FAAH2: variants seen among roughly 807,000 people sequenced by gnomAD.
FAAH2 encodes the protein fatty-acid amide hydrolase 2.
A neutral mutation model predicts 36.9 loss-of-function variants in FAAH2; 60 were observed. That is an observed-to-expected ratio of 1.63 (90% CI 1.32 to 2.02). FAAH2 has a LOEUF of 2.02. Among genes scored for constraint, FAAH2 ranks in the 30% most tolerant of loss-of-function variants. The pLI, the probability that FAAH2 is intolerant of heterozygous loss-of-function variation, is 0.00. For missense variants in FAAH2, 689 were observed against 397.5 expected (o/e 1.73, Z -6.23); for synonymous variants, 214 against 143.8 (o/e 1.49, Z -3.49).
At chrX:57,163,747 C>T in the FAAH2 span, among the ~76,000 whole-genome samples, 1 of 112,192 alleles carries the variant, frequency 8.9e-6, no homozygotes, top group Admixed American at 9.4e-5. Flanking sequence ...ACCCACTGAC[C>T]TGCGCCCACT....
At chrX:57,169,848 ATC>A in the FAAH2 span, among the ~76,000 whole-genome samples, 1 of 104,683 alleles carries the variant, frequency 9.6e-6, no homozygotes, top group African/African-American at 3.5e-5. Context: ...TAACATTAGC[ATC>A]TCTCTCTCTC....
chrX:57,316,817 C>A (rs1199708585), intron 3 of FAAH2, among the ~76,000 whole-genome samples: 1 of 110,723 alleles, frequency 9.0e-6, no homozygotes, highest in Admixed American at 9.6e-5. Flanking sequence ...GACCCTGTCT[C>A]CCCCCACCGC....
chrX:57,224,232 C>T, the FAAH2 span, among the ~76,000 whole-genome samples: 32 of 111,641 alleles, frequency 2.9e-4, no homozygotes, highest in Non-Finnish European at 3.9e-4. Flanking sequence ...GTCCTCTGAA[C>T]GTAACTGTCT....
the FAAH2 span, among the ~76,000 whole-genome samples, chrX:57,123,100 CCA>C: frequency 9.0e-6 from 1 of 110,628 alleles, no homozygotes; most frequent in Non-Finnish European, 1.9e-5. Context: ...TGTGCTGCAC[CCA>C]TTAACTCCTC....
the FAAH2 span, among the ~76,000 whole-genome samples, chrX:57,145,031 T>G: frequency 9.0e-6 from 1 of 111,687 alleles, no homozygotes; most frequent in Non-Finnish European, 1.9e-5. Flanking sequence ...GCTATAAACA[T>G]GCATGTGCAG....
chrX:57,442,607 A>T (rs1347868690), intron 8 of FAAH2, among the ~76,000 whole-genome samples: 1 of 112,019 alleles, frequency 8.9e-6, no homozygotes, highest in African/African-American at 3.3e-5. Flanking sequence ...TAGCCCATTT[A>T]CATTTAAGGT....
At chrX:57,466,162 A>C (rs865808694) in intron 10 of FAAH2, among the ~76,000 whole-genome samples, 6 of 96,443 alleles carry the variant, frequency 6.2e-5, no homozygotes, top group African/African-American at 2.3e-4. Flanking sequence ...CTCTCTATAT[A>C]TATATATATA....
chrX:57,299,815 GACAA>G (rs1206222100), intron 2 of FAAH2, among the ~76,000 whole-genome samples: 39 of 111,643 alleles, frequency 3.5e-4, no homozygotes, highest in African/African-American at 1.2e-3. Flanking sequence ...ACCAATAACA[GACAA>G]ACAGAGAGCC....
intron 5 of FAAH2, among the ~76,000 whole-genome samples, chrX:57,377,585 C>T (rs778898276): frequency 3.6e-5 from 4 of 112,200 alleles, no homozygotes; most frequent in Non-Finnish European, 7.5e-5. Flanking sequence ...AGCATGATGT[C>T]TCCACCTTTG....
chrX:57,251,475 C>A, the FAAH2 span, among the ~76,000 whole-genome samples: 3 of 111,486 alleles, frequency 2.7e-5, no homozygotes, highest in African/African-American at 9.8e-5. Context: ...CAATTCAATT[C>A]AACGCAGTAC....
intron 7 of FAAH2, among the ~76,000 whole-genome samples, chrX:57,414,010 T>C (rs1308757245): frequency 8.9e-6 from 1 of 111,807 alleles, no homozygotes; most frequent in Non-Finnish European, 1.9e-5. Context: ...GGCTCTCTGT[T>C]TGTCTGTTAT....
chrX:57,311,130 G>A (rs2052680999), intron 3 of FAAH2, among the ~76,000 whole-genome samples: 1 of 111,788 alleles, frequency 8.9e-6, no homozygotes, highest in Non-Finnish European at 1.9e-5. Context: ...AGCCTCAAAA[G>A]TAAATGAAAA....
intron 3 of FAAH2, among the ~76,000 whole-genome samples, chrX:57,327,443 T>C (rs758871059): frequency 9.1e-6 from 1 of 109,989 alleles, no homozygotes; most frequent in African/African-American, 3.3e-5. Flanking sequence ...GTTTTCCAAC[T>C]TGGTTCCATT....
intron 7 of FAAH2, among the ~76,000 whole-genome samples, chrX:57,389,931 CT>C (rs1234318274): frequency 9.1e-6 from 1 of 109,795 alleles, no homozygotes; most frequent in Non-Finnish European, 1.9e-5. Flanking sequence ...GTGCATTCAC[CT>C]GATGATTAGT....
chrX:57,273,158 G>A, the FAAH2 span, among the ~76,000 whole-genome samples: 1 of 111,910 alleles, frequency 8.9e-6, no homozygotes, highest in Admixed American at 9.5e-5. Flanking sequence ...GATCAAAAGA[G>A]ACAAAGAAGG....
At chrX:57,290,365 G>A (rs1455493966) in intron 1 of FAAH2, 14 of 588,656 alleles carry the variant, frequency 2.4e-5, no homozygotes, top group Non-Finnish European at 2.9e-5. Flanking sequence ...CTAGACTATT[G>A]AGTTATGGTG....
At chrX:57,309,904 C>T (rs771240352) in intron 2 of FAAH2, among the ~76,000 whole-genome samples, 1 of 111,803 alleles carries the variant, frequency 8.9e-6, no homozygotes, top group South Asian at 3.7e-4. Context: ...GTGCATGTAT[C>T]TTTATAATAA....
intron 2 of FAAH2, among the ~76,000 whole-genome samples, chrX:57,293,768 G>GA (rs748083080): frequency 9.0e-6 from 1 of 111,310 alleles, no homozygotes; most frequent in East Asian, 2.8e-4. Context: ...AGACCTGAGA[G>GA]AAAATCAAAA....
Position 57,331,763 on chromosome X carries a change from C to G in FAAH2, c.578C>G (p.Ser193Ter). ...TCCAGTAACAAGATCTATGGCCGAT[C>G]AAACAACCCATATGATTTACAGCAT... ...YESSNKIYGR[S>*]NNPYDLQHIV... The change falls in exon 4 of 11, where the codon TCA (serine) becomes TGA (stop). Residue 193 changes from serine (S) to a stop codon, truncating the protein, a stop_gained. Transcript: ENST00000374900. LOFTEE classifies it high-confidence loss of function. 4 of 1,211,504 alleles carry G rather than the reference C, an allele frequency of 3.3e-6. No individual in the cohort carries two copies. Among genetic ancestry groups the G allele is most frequent in the Non-Finnish European group, 4.5e-6 (4 of 895,472 alleles).
Sources: gnomAD v4.1 joint callset for allele counts (sites outside exome capture counted in the v4.1 genomes callset) on GRCh38, gnomAD v4.1.1 for gene constraint, MANE v1.5 for transcripts, NCBI Gene and HGNC (gene_info 2026-07-23, HGNC 2026-07-21) for gene names.